Variants in SLC35F1 observed in about 807,000 individuals in gnomAD.
The protein encoded by SLC35F1 is chromosome 6 open reading frame 169.
Under a neutral mutation model 48.7 loss-of-function variants are expected in SLC35F1, and 14 were observed. The observed-to-expected ratio is 0.29, with a 90% CI of 0.19 to 0.45. The LOEUF is 0.45. Among genes scored for constraint, SLC35F1 ranks in the 20% least tolerant of loss-of-function variants. The pLI is 1.00. For synonymous variants in SLC35F1, 190 were observed against 202.2 expected, an observed-to-expected ratio of 0.94 and a Z score of 0.51; for missense variants, 404 against 500.0, an observed-to-expected ratio of 0.81 and a Z score of 1.83.
chr6:118,290,661 C>T (rs950329531), intron 7 of SLC35F1, among the ~76,000 whole-genome samples: 16 of 152,120 alleles, frequency 1.1e-4, no homozygotes, highest in African/African-American at 3.9e-4. Context: ...CATGTTTCAT[C>T]CTCAGGGCCC....
Position 118,061,588 on chromosome 6 carries a change from G to GTATATATATA in SLC35F1, c.174-92856_174-92855insATATATATAT, listed in dbSNP as rs1237884567. 3.9e-3 allele frequency among the ~76,000 whole-genome samples: 570 copies of GTATATATATA among 144,714 alleles called. 5 individuals are homozygous for GTATATATATA. Among genetic ancestry groups the GTATATATATA allele is most frequent in the African/African-American group, 0.014 (538 of 38,750 alleles). 94.9% of individuals were successfully genotyped at this position (144,714 alleles called of 152,430 possible). ...TATATACATTTGTGTGTGTGTGTGT[G>GTATATATATA]TGTATATATATATATATGTTTGGTA... On this transcript the variant is annotated intron_variant, in intron 1 of 7. Coordinates refer to ENST00000360388, the MANE Select transcript of SLC35F1 (RefSeq NM_001029858.4).
intron 1 of SLC35F1, among the ~76,000 whole-genome samples, chr6:118,036,449 G>A (rs541882891): frequency 6.6e-6 from 1 of 152,128 alleles, no homozygotes; most frequent in Middle Eastern, 3.4e-3. Context: ...ATCTCTCTTG[G>A]TAAATACAAT....
chr6:118,084,660 T>A (rs1772959054), intron 1 of SLC35F1, among the ~76,000 whole-genome samples: 1 of 152,054 alleles, frequency 6.6e-6, no homozygotes, highest in African/African-American at 2.4e-5. Context: ...CAAAGGTAGG[T>A]GATCCTAATT....
chr6:118,045,318 G>A (rs1286094741), intron 1 of SLC35F1, among the ~76,000 whole-genome samples: 1 of 152,116 alleles, frequency 6.6e-6, no homozygotes, highest in Admixed American at 6.6e-5. Context: ...TGTTAGCTAT[G>A]AACATACTTG....
At chr6:117,916,791 G>A (rs1381351039) in intron 1 of SLC35F1, among the ~76,000 whole-genome samples, 3 of 152,124 alleles carry the variant, frequency 2.0e-5, no homozygotes, top group Non-Finnish European at 4.4e-5. Context: ...GTTACCTGGG[G>A]TCCCAACATG....
chr6:118,070,280 A>C (rs1391171595), intron 1 of SLC35F1, among the ~76,000 whole-genome samples: 1 of 152,118 alleles, frequency 6.6e-6, no homozygotes, highest in African/African-American at 2.4e-5. Context: ...ATAGAGGTAA[A>C]ACTTAAATTT....
intron 1 of SLC35F1, among the ~76,000 whole-genome samples, chr6:118,042,432 A>T (rs1772238047): frequency 6.6e-6 from 1 of 152,138 alleles, no homozygotes; most frequent in Admixed American, 6.6e-5. Flanking sequence ...GTGTCTGGGG[A>T]GCATGAAGAA....
chr6:118,238,262 A>G lies in SLC35F1; in HGVS notation c.477+2626A>G, dbSNP rs1775391298. Among the ~76,000 whole-genome samples the G allele has an allele frequency of 3.9e-5, 6 of 152,170 alleles. No homozygotes were observed. The South Asian group carries it at 1.2e-3, about 32-fold the overall frequency. On this transcript the variant is annotated intron_variant, in intron 3 of 7. Transcript: ENST00000360388. ...TACCTTAGGATGCTTTCAAATTATG[A>G]ATAACGGAAAGCCCAGCAGAAACTG...
At chr6:117,974,588 G>A (rs931680876) in intron 1 of SLC35F1, among the ~76,000 whole-genome samples, 1 of 152,082 alleles carries the variant, frequency 6.6e-6, no homozygotes, top group Admixed American at 6.5e-5. Context: ...ATCTGTGACA[G>A]CTATTCTTAA....
Position 118,311,964 on chromosome 6 carries a change from A to G in SLC35F1, c.1003-2064A>G, listed in dbSNP as rs540496039. Among the ~76,000 whole-genome samples, 13 of 152,320 alleles carry G rather than the reference A, an allele frequency of 8.5e-5. No homozygotes were observed. In the South Asian group the frequency reaches 1.9e-3, roughly 22 times the overall value. On this transcript the variant is annotated intron_variant, in intron 7 of 7. Transcript: ENST00000360388. ...AAGATAGGAACTATAAGTGTTCTACATGCCTTATCTAATTTAATATTTTAA... is the reference window on the plus strand; with the variant it reads ...AAGATAGGAACTATAAGTGTTCTACGTGCCTTATCTAATTTAATATTTTAA...
chr6:118,086,485 A>G (rs377567163), intron 1 of SLC35F1, among the ~76,000 whole-genome samples: 3 of 152,194 alleles, frequency 2.0e-5, no homozygotes, highest in African/African-American at 4.8e-5. Flanking sequence ...TCAAATGTCA[A>G]TTCCCTCTTA....
chr6:117,982,691 C>T (rs1192118600), intron 1 of SLC35F1, among the ~76,000 whole-genome samples: 1 of 152,140 alleles, frequency 6.6e-6, no homozygotes, highest in Non-Finnish European at 1.5e-5. Context: ...ATTGTATGAA[C>T]ATTATCAGTG....
intron 1 of SLC35F1, among the ~76,000 whole-genome samples, chr6:118,078,370 G>T (rs1445672337): frequency 6.6e-6 from 1 of 151,960 alleles, no homozygotes; most frequent in Non-Finnish European, 1.5e-5. Flanking sequence ...GTTCTGTTTT[G>T]GTTGTTTAAC....
intron 3 of SLC35F1, among the ~76,000 whole-genome samples, chr6:118,256,221 T>G (rs1215609037): frequency 1.7e-5 from 1 of 58,906 alleles, no homozygotes; most frequent in African/African-American, 4.5e-5. Flanking sequence ...TGTGTGTGTG[T>G]GTGTGTGTGT....
At chr6:118,162,328 A>G (rs1287652118) in intron 2 of SLC35F1, among the ~76,000 whole-genome samples, 1 of 152,210 alleles carries the variant, frequency 6.6e-6, no homozygotes, top group Non-Finnish European at 1.5e-5. Context: ...ACACAAAACT[A>G]TAAGGACAGA....
intron 1 of SLC35F1, among the ~76,000 whole-genome samples, chr6:118,024,779 G>T (rs1028578766): frequency 6.6e-6 from 1 of 152,130 alleles, no homozygotes; most frequent in Non-Finnish European, 1.5e-5. Flanking sequence ...AATTTTACTT[G>T]TATTAGAAAC....
chr6:118,004,675 C>T (rs758619974), intron 1 of SLC35F1, among the ~76,000 whole-genome samples: 3 of 152,166 alleles, frequency 2.0e-5, no homozygotes, highest in Non-Finnish European at 2.9e-5. Context: ...GATCCTCCCA[C>T]TTGAGCCTCC....
At chr6:118,070,913 T>C (rs1300096190) in intron 1 of SLC35F1, among the ~76,000 whole-genome samples, 1 of 124,798 alleles carries the variant, frequency 8.0e-6, no homozygotes, top group African/African-American at 2.9e-5. Context: ...TATATATATA[T>C]ACATAGTAAA....
intron 1 of SLC35F1, among the ~76,000 whole-genome samples, chr6:118,049,993 A>G (rs539447379): frequency 6.6e-6 from 1 of 152,338 alleles, no homozygotes; most frequent in East Asian, 1.9e-4. Flanking sequence ...AGACTGGATT[A>G]AGAAAATGTG....
Sources: allele counts gnomAD v4.1 joint callset (sites outside exome capture counted in the v4.1 genomes callset), GRCh38; gene constraint gnomAD v4.1.1; transcripts MANE v1.5; gene names NCBI Gene and HGNC (gene_info 2026-07-23, HGNC 2026-07-21).